Variants in RAB11FIP4 observed in about 807,000 individuals in gnomAD.
RAB11FIP4 encodes rab11 family-interacting protein 4.
In RAB11FIP4, 23 loss-of-function variants were observed where a neutral mutation model predicts 74.3. The ratio of observed to expected loss-of-function variants is 0.31; its 90% confidence interval spans 0.22 to 0.44. The LOEUF (loss-of-function observed/expected upper bound fraction) is 0.44. Ranked by LOEUF, RAB11FIP4 falls within the 20% of genes least tolerant of loss-of-function variation. RAB11FIP4 has a pLI of 1.00. For synonymous variants in RAB11FIP4, 360 were observed against 359.9 expected, an observed-to-expected ratio of 1.00 and a Z score of 0.00; for missense variants, 630 against 863.9, an observed-to-expected ratio of 0.73 and a Z score of 3.39.
rs553562596 is a variant in RAB11FIP4 at position 31,433,205 on chromosome 17, C to T, written c.248-829C>T. On this transcript the variant is annotated intron_variant, in intron 2 of 14. Coordinates refer to ENST00000621161, the MANE Select transcript of RAB11FIP4 (RefSeq NM_032932.6). ...CACCAGCCAGGTGGACTTGCTAAGGCCTCCCCACTAGCTGCAGAGAGAATG... is the reference window on the plus strand; with the variant it reads ...CACCAGCCAGGTGGACTTGCTAAGGTCTCCCCACTAGCTGCAGAGAGAATG... 3.9e-5 allele frequency among the ~76,000 whole-genome samples: 6 copies of T among 152,280 alleles called. No homozygotes were observed. The South Asian group carries it at 1.2e-3, about 32-fold the overall frequency.
chr17:31,445,570 A>ATG (rs2071451964), intron 3 of RAB11FIP4, among the ~76,000 whole-genome samples: 1 of 11,578 alleles, frequency 8.6e-5, no homozygotes, highest in Non-Finnish European at 1.4e-4. Flanking sequence ...ATATATATAT[A>ATG]TATATATATT....
chr17:31,524,299 GT>G (rs1481134867), intron 9 of RAB11FIP4: 2 of 355,554 alleles, frequency 5.6e-6, no homozygotes, highest in Non-Finnish European at 1.1e-5. Flanking sequence ...CACTCATACA[GT>G]GACAGGAGCC....
chr17:31,488,413 C>T (rs1383792234), intron 3 of RAB11FIP4: 2 of 949,660 alleles, frequency 2.1e-6, no homozygotes, highest in Non-Finnish European at 1.3e-6. Context: ...CGTTCGGCCG[C>T]GAGTAGAAGC....
chr17:31,436,771 T>G (rs1597916024), intron 3 of RAB11FIP4, among the ~76,000 whole-genome samples: 1 of 148,686 alleles, frequency 6.7e-6, no homozygotes, highest in South Asian at 2.1e-4. Flanking sequence ...TTTGTTTTTT[T>G]TTGTTTTTTG....
intron 3 of RAB11FIP4, among the ~76,000 whole-genome samples, chr17:31,486,149 G>A (rs981004303): frequency 1.3e-5 from 2 of 151,908 alleles, no homozygotes; most frequent in Admixed American, 6.6e-5. Flanking sequence ...CAGAAGAATC[G>A]CTTGAACCCA....
chr17:31,414,034 C>T (rs2071124836), intron 1 of RAB11FIP4, among the ~76,000 whole-genome samples: 1 of 152,192 alleles, frequency 6.6e-6, no homozygotes, highest in Non-Finnish European at 1.5e-5. Flanking sequence ...CCCGAGCCTG[C>T]TCTGTGTCAG....
chr17:31,455,016 A>G (rs566012508), intron 3 of RAB11FIP4, among the ~76,000 whole-genome samples: 4 of 152,308 alleles, frequency 2.6e-5, no homozygotes, highest in Admixed American at 2.6e-4. Context: ...TGTCTGAACA[A>G]GTCTGTAGGG....
At chr17:31,392,068 C>A (rs1034406163) in intron 1 of RAB11FIP4, 57 bp downstream of exon 1, 122 of 1,138,476 alleles carry the variant, frequency 1.1e-4, no homozygotes, top group Non-Finnish European at 1.3e-4. Flanking sequence ...CCCGCCGCCC[C>A]TCCCCCAGCT....
chr17:31,471,415 C>G (rs1378576160), intron 3 of RAB11FIP4, among the ~76,000 whole-genome samples: 3 of 152,042 alleles, frequency 2.0e-5, no homozygotes, highest in African/African-American at 7.2e-5. Context: ...GGTCACATAT[C>G]AGTGCCGGAG....
At chr17:31,486,830 G>C (rs1013825233) in intron 3 of RAB11FIP4, among the ~76,000 whole-genome samples, 50 of 152,116 alleles carry the variant, frequency 3.3e-4, no homozygotes, top group Admixed American at 3.3e-3. Context: ...AGCAGTTCTG[G>C]GAGCTCCAGC....
intron 1 of RAB11FIP4, among the ~76,000 whole-genome samples, chr17:31,415,086 C>A (rs1012309904): frequency 6.6e-6 from 1 of 152,228 alleles, no homozygotes; most frequent in African/African-American, 2.4e-5. Flanking sequence ...TCTCCCAGAG[C>A]CCCCTGCAGA....
At chr17:31,495,984 G>A (rs1226313495) in intron 3 of RAB11FIP4, among the ~76,000 whole-genome samples, 1 of 152,112 alleles carries the variant, frequency 6.6e-6, no homozygotes, top group Non-Finnish European at 1.5e-5. Context: ...TCTTAAATTG[G>A]AATGTGTCGC....
chr17:31,456,432 C>G (rs1252289167), intron 3 of RAB11FIP4, among the ~76,000 whole-genome samples: 2 of 152,204 alleles, frequency 1.3e-5, no homozygotes, highest in African/African-American at 4.8e-5. Context: ...GTCTCGAACT[C>G]CTGAGCTCAA....
intron 3 of RAB11FIP4, among the ~76,000 whole-genome samples, chr17:31,442,789 G>T (rs578020568): frequency 1.3e-5 from 2 of 152,026 alleles, no homozygotes; most frequent in African/African-American, 4.8e-5. Flanking sequence ...GTGAAACCCC[G>T]TCTCTACTAA....
chr17:31,443,073 A>G (rs1414193946), intron 3 of RAB11FIP4, among the ~76,000 whole-genome samples: 1 of 152,132 alleles, frequency 6.6e-6, no homozygotes, highest in Non-Finnish European at 1.5e-5. Flanking sequence ...TACCCTTTTG[A>G]TACTGGTGTT....
chr17:31,490,956 T>C (rs907330181), intron 3 of RAB11FIP4, among the ~76,000 whole-genome samples: 5 of 152,226 alleles, frequency 3.3e-5, no homozygotes, highest in African/African-American at 1.2e-4. Context: ...CTGGACTCTG[T>C]CTTCCTCTGG....
intron 3 of RAB11FIP4, among the ~76,000 whole-genome samples, chr17:31,510,999 T>G (rs1296287393): frequency 1.3e-5 from 2 of 152,040 alleles, no homozygotes; most frequent in African/African-American, 2.4e-5. Context: ...TCCAAGGGTT[T>G]TTTTGTTTTT....
intron 2 of RAB11FIP4, among the ~76,000 whole-genome samples, chr17:31,432,134 T>C (rs2071316336): frequency 6.6e-6 from 1 of 152,144 alleles, no homozygotes; most frequent in South Asian, 2.1e-4. Flanking sequence ...CCCTTCCCCT[T>C]GTCTGCCCGC....
Position 31,525,070 on chromosome 17 carries a change from G to T in RAB11FIP4, c.1134-20G>T, listed in dbSNP as rs765662748. The T allele has an allele frequency of 1.0e-5, 16 of 1,549,908 alleles. No individual in the cohort carries two copies. The highest frequency in any genetic ancestry group is 1.4e-5 in the African/African-American group (1 of 73,034). ...GAAATGGTGCAGGCCCCAAGAGCTTGCCCATTGCGCTGTCCTCAGGGTGCA... is the reference window on the plus strand; with the variant it reads ...GAAATGGTGCAGGCCCCAAGAGCTTTCCCATTGCGCTGTCCTCAGGGTGCA... On this transcript the variant is annotated intron_variant, in intron 9 of 14. Coordinates refer to ENST00000621161, the MANE Select transcript of RAB11FIP4 (RefSeq NM_032932.6).
Sources: allele counts gnomAD v4.1 joint callset (sites outside exome capture counted in the v4.1 genomes callset), GRCh38; gene constraint gnomAD v4.1.1; transcripts MANE v1.5; gene names NCBI Gene and HGNC (gene_info 2026-07-23, HGNC 2026-07-21).